TSHZ2: variants seen among roughly 807,000 people sequenced by gnomAD.
TSHZ2 encodes the protein teashirt homolog 2.
Under a neutral mutation model 74.4 loss-of-function variants are expected in TSHZ2, and 21 were observed. The observed-to-expected ratio is 0.28, with a 90% CI of 0.20 to 0.41. TSHZ2 has a LOEUF of 0.41. Ranked by LOEUF, TSHZ2 falls within the 10% of genes least tolerant of loss-of-function variation. The pLI is 1.00. For synonymous variants in TSHZ2, 540 were observed against 515.3 expected (o/e 1.05, Z -0.65); for missense variants, 1,244 against 1,293.5 (o/e 0.96, Z 0.59).
intron 1 of TSHZ2, among the ~76,000 whole-genome samples, chr20:53,146,128 T>G (rs1450849990): frequency 6.6e-6 from 1 of 151,900 alleles, no homozygotes. Context: ...TTTTAGAGTT[T>G]GATTTAGTAA....
At chr20:53,124,637 A>G (rs761482489) in intron 1 of TSHZ2, among the ~76,000 whole-genome samples, 4 of 152,256 alleles carry the variant, frequency 2.6e-5, no homozygotes, top group Non-Finnish European at 5.9e-5. Flanking sequence ...TAGTCATCAT[A>G]TAGCAATAAA....
chr20:52,978,607 T>C (rs933996481), intron 1 of TSHZ2, among the ~76,000 whole-genome samples: 1 of 152,162 alleles, frequency 6.6e-6, no homozygotes, highest in Non-Finnish European at 1.5e-5. Context: ...GGAAATACAT[T>C]TAACTAACAG....
intron 1 of TSHZ2, among the ~76,000 whole-genome samples, chr20:53,135,037 A>ACAC (rs1424570713): frequency 3.3e-5 from 3 of 92,010 alleles, no homozygotes; most frequent in Non-Finnish European, 7.2e-5. Context: ...CACACACACA[A>ACAC]GGGTTGTGGC....
chr20:53,268,545 C>T (rs1990765557), intron 2 of TSHZ2, among the ~76,000 whole-genome samples: 1 of 152,180 alleles, frequency 6.6e-6, no homozygotes, highest in South Asian at 2.1e-4. Context: ...TCTTCCTGGG[C>T]TTACATCTTT....
chr20:53,127,743 GTATT>G (rs1200257780), intron 1 of TSHZ2, among the ~76,000 whole-genome samples: 1 of 152,190 alleles, frequency 6.6e-6, no homozygotes, highest in Non-Finnish European at 1.5e-5. Flanking sequence ...GTGAGGCAGA[GTATT>G]TATAACAACT....
chr20:53,082,756 G>T (rs1458782907), intron 1 of TSHZ2, among the ~76,000 whole-genome samples: 3 of 152,186 alleles, frequency 2.0e-5, no homozygotes, highest in Non-Finnish European at 4.4e-5. Flanking sequence ...GGTTTTATGT[G>T]GGGGTGAAAA....
intron 2 of TSHZ2, among the ~76,000 whole-genome samples, chr20:53,369,433 G>C (rs185464968): frequency 2.6e-5 from 4 of 151,878 alleles, no homozygotes; most frequent in Non-Finnish European, 4.4e-5. Flanking sequence ...GAGGCCGAGC[G>C]CTGTGGCTCC....
At chr20:53,192,865 A>G (rs1405833959) in intron 1 of TSHZ2, among the ~76,000 whole-genome samples, 3 of 152,206 alleles carry the variant, frequency 2.0e-5, no homozygotes, top group Non-Finnish European at 4.4e-5. Context: ...GTTGAGAAAG[A>G]TGATTTTTCT....
At chr20:53,486,396 T>C (rs1173115956) in intron 2 of TSHZ2, among the ~76,000 whole-genome samples, 2 of 152,180 alleles carry the variant, frequency 1.3e-5, no homozygotes, top group Non-Finnish European at 2.9e-5. Context: ...TAAAAATATT[T>C]TTTTTCTTAA....
intron 1 of TSHZ2, among the ~76,000 whole-genome samples, chr20:53,203,379 G>C (rs986923336): frequency 2.0e-5 from 3 of 151,964 alleles, no homozygotes; most frequent in African/African-American, 4.8e-5. Context: ...ATTTTTAGTA[G>C]AGATGGGGTT....
At chr20:53,082,320 G>A (rs1030519159) in intron 1 of TSHZ2, among the ~76,000 whole-genome samples, 1 of 152,166 alleles carries the variant, frequency 6.6e-6, no homozygotes, top group Non-Finnish European at 1.5e-5. Flanking sequence ...AATAGAGCAA[G>A]CGAATTGTTT....
intron 1 of TSHZ2, among the ~76,000 whole-genome samples, chr20:53,223,909 A>G (rs992809241): frequency 3.0e-5 from 4 of 134,236 alleles, no homozygotes; most frequent in Non-Finnish European, 7.0e-5. Context: ...ACACACACAC[A>G]CACACACACA....
intron 1 of TSHZ2, among the ~76,000 whole-genome samples, chr20:53,043,745 A>G: frequency 6.6e-6 from 1 of 152,116 alleles, no homozygotes; most frequent in East Asian, 1.9e-4. Context: ...AGTCTCAAAG[A>G]TAGGCAATCT....
Position 53,074,452 on chromosome 20 carries a change from C to T in TSHZ2, c.40+101119C>T, listed in dbSNP as rs1441856358. Among the ~76,000 whole-genome samples the T allele has an allele frequency of 6.6e-6, 1 of 152,118 alleles. No homozygotes were observed. The highest frequency in any genetic ancestry group is 1.5e-5 in the Non-Finnish European group (1 of 68,032). On this transcript the variant is annotated intron_variant, in intron 1 of 2. Transcript: ENST00000371497. The surrounding 1 kb of genome is among the most constrained non-coding windows in gnomAD (Gnocchi z 5.9). ...AATACAAGTCAGAATGAGATGGATG[C>T]AGTACGAAGTGTAGAAATCCAACAA...
chr20:53,358,128 C>T (rs6068522), intron 2 of TSHZ2, among the ~76,000 whole-genome samples: 1 of 152,034 alleles, frequency 6.6e-6, no homozygotes, highest in African/African-American at 2.4e-5. Flanking sequence ...CACTCTGGCT[C>T]TGAGACAAAA....
At chr20:53,259,412 T>C (rs1311433512) in intron 2 of TSHZ2, among the ~76,000 whole-genome samples, 1 of 151,720 alleles carries the variant, frequency 6.6e-6, no homozygotes, top group Admixed American at 6.6e-5. Context: ...AGTGTGCATC[T>C]CTATTTTAGG....
intron 1 of TSHZ2, among the ~76,000 whole-genome samples, chr20:53,100,224 C>T (rs1234564329): frequency 2.0e-5 from 3 of 152,142 alleles, no homozygotes; most frequent in Admixed American, 2.0e-4. Flanking sequence ...TCTGTGCCTG[C>T]TTTCTTAACC....
chr20:53,305,864 G>A (rs1055621711), intron 2 of TSHZ2, among the ~76,000 whole-genome samples: 1 of 152,028 alleles, frequency 6.6e-6, no homozygotes, highest in African/African-American at 2.4e-5. Context: ...TGTAGTCCCA[G>A]CTACCTGGGA....
At chr20:53,307,053 T>G (rs1397141576) in intron 2 of TSHZ2, among the ~76,000 whole-genome samples, 1 of 152,178 alleles carries the variant, frequency 6.6e-6, no homozygotes, top group Non-Finnish European at 1.5e-5. Flanking sequence ...CACAGGACTT[T>G]AAGTGTTAAG....
Sources: gnomAD v4.1 joint callset for allele counts (sites outside exome capture counted in the v4.1 genomes callset) on GRCh38, gnomAD v4.1.1 for gene constraint, Gnocchi (gnomAD v3.1) non-coding constraint, MANE v1.5 for transcripts, NCBI Gene and HGNC (gene_info 2026-07-23, HGNC 2026-07-21) for gene names.